The following KIAA1328 variants were observed in gnomAD, a reference collection of about 807,000 sequenced individuals.
KIAA1328 encodes the protein protein hinderin.
A neutral mutation model predicts 68.1 loss-of-function variants in KIAA1328; 52 were observed. That is an observed-to-expected ratio of 0.76 (90% CI 0.61 to 0.96). The LOEUF (loss-of-function observed/expected upper bound fraction) is 0.96. Among genes scored for constraint, KIAA1328 ranks in the 40% least tolerant of loss-of-function variants. KIAA1328 has a pLI of 0.00. For synonymous variants in KIAA1328, 232 were observed against 239.4 expected (o/e 0.97, Z 0.28); for missense variants, 641 against 677.6 (o/e 0.95, Z 0.60).
intron 6 of KIAA1328, among the ~76,000 whole-genome samples, chr18:36,994,821 C>T (rs1317030139): frequency 1.3e-5 from 2 of 152,162 alleles, no homozygotes; most frequent in Non-Finnish European, 2.9e-5. Context: ...AGCCTTGCCT[C>T]TACTCTCATT....
Position 37,159,269 on chromosome 18 carries a change from A to G in KIAA1328, c.1233-931A>G, listed in dbSNP as rs576534749. On this transcript the variant is annotated intron_variant, in intron 7 of 9. Coordinates refer to ENST00000280020, the MANE Select transcript of KIAA1328 (RefSeq NM_020776.3). ...AGATTATGTGATTTGAATCCTGGTC[A>G]AAGGCCACCTGGAGTAAGTGATAGA... 1.2e-4 allele frequency among the ~76,000 whole-genome samples: 18 copies of G among 152,340 alleles called. 1 individual carries two copies. The South Asian group carries it at 3.7e-3, about 32-fold the overall frequency.
At chr18:37,088,341 G>T (rs1162340435) in intron 7 of KIAA1328, among the ~76,000 whole-genome samples, 1 of 152,148 alleles carries the variant, frequency 6.6e-6, no homozygotes, top group Non-Finnish European at 1.5e-5. Context: ...AATCAGTCAT[G>T]TAAATTAGCT....
intron 6 of KIAA1328, among the ~76,000 whole-genome samples, chr18:37,023,939 TTCAA>T (rs2151542203): frequency 6.6e-6 from 1 of 152,308 alleles, no homozygotes; most frequent in East Asian, 1.9e-4. Context: ...CAGATAGTTT[TTCAA>T]TCTTCACTCT....
intron 7 of KIAA1328, among the ~76,000 whole-genome samples, chr18:37,118,985 G>A (rs1440138501): frequency 6.6e-6 from 1 of 152,170 alleles, no homozygotes; most frequent in Non-Finnish European, 1.5e-5. Context: ...CAAGACAGCT[G>A]CTTTGTCATG....
At chr18:36,932,614 T>C (rs1221451712) in intron 5 of KIAA1328, among the ~76,000 whole-genome samples, 1 of 152,210 alleles carries the variant, frequency 6.6e-6, no homozygotes, top group Non-Finnish European at 1.5e-5. Flanking sequence ...GGAAGGTAGC[T>C]CCATAGCATA....
At chr18:36,862,483 T>A (rs11872790) in intron 4 of KIAA1328, among the ~76,000 whole-genome samples, 141 of 152,314 alleles carry the variant, frequency 9.3e-4, no homozygotes, top group African/African-American at 3.3e-3. Flanking sequence ...TCTTTTTTTT[T>A]AAACTCAGCA....
At chr18:37,100,689 C>G (rs1332961548) in intron 7 of KIAA1328, among the ~76,000 whole-genome samples, 1 of 152,210 alleles carries the variant, frequency 6.6e-6, no homozygotes, top group Non-Finnish European at 1.5e-5. Flanking sequence ...TCCCAGCACG[C>G]AGCTTGAGAT....
At chr18:37,165,247 T>C (rs1397133529) in intron 8 of KIAA1328, among the ~76,000 whole-genome samples, 1 of 152,140 alleles carries the variant, frequency 6.6e-6, no homozygotes, top group Non-Finnish European at 1.5e-5. Context: ...ACAACCACTT[T>C]CTTTCTAATT....
rs1158262639 is a variant in KIAA1328 at position 37,117,883 on chromosome 18, A to AT, written c.1233-42317_1233-42316insT. On this transcript the variant is annotated intron_variant, in intron 7 of 9. Coordinates refer to ENST00000280020, the MANE Select transcript of KIAA1328 (RefSeq NM_020776.3). ...AAACGGACGTAGTTGGTTTAAAAAA[A>AT]AAAAATATATATATATATACTAACA... 2.7e-3 allele frequency among the ~76,000 whole-genome samples: 376 copies of AT among 139,258 alleles called. 1 individual carries two copies. Among genetic ancestry groups the AT allele is most frequent in the African/African-American group, 6.5e-3 (241 of 36,882 alleles). The allele number at this position is 139,258 out of a possible 152,430, so 91.4% of individuals were successfully genotyped here. A position where few individuals can be genotyped will look rare whatever the true frequency, so the allele number is the denominator to read the frequency against.
intron 4 of KIAA1328, among the ~76,000 whole-genome samples, chr18:36,854,445 C>T (rs797007975): frequency 1.3e-5 from 2 of 152,126 alleles, no homozygotes; most frequent in African/African-American, 4.8e-5. Flanking sequence ...AAATACAATA[C>T]TACTGACTCT....
chr18:37,028,022 C>T (rs1462835783), intron 6 of KIAA1328, among the ~76,000 whole-genome samples: 3 of 152,070 alleles, frequency 2.0e-5, no homozygotes, highest in Non-Finnish European at 4.4e-5. Flanking sequence ...AAGAAAAAAA[C>T]AACCCCATCA....
At chr18:37,061,516 A>C (rs1298611041) in intron 6 of KIAA1328, among the ~76,000 whole-genome samples, 4 of 152,190 alleles carry the variant, frequency 2.6e-5, no homozygotes, top group Admixed American at 2.6e-4. Context: ...GTGGTTTCTA[A>C]GTTACTGTTA....
intron 9 of KIAA1328, among the ~76,000 whole-genome samples, chr18:37,190,246 C>T (rs2059880365): frequency 6.6e-6 from 1 of 152,126 alleles, no homozygotes; most frequent in African/African-American, 2.4e-5. Context: ...ACATGTTTCT[C>T]TCATAACTTA....
intron 6 of KIAA1328, among the ~76,000 whole-genome samples, chr18:37,000,191 G>T (rs893179715): frequency 6.6e-6 from 1 of 152,100 alleles, no homozygotes; most frequent in South Asian, 2.1e-4. Flanking sequence ...GAAACCAAAA[G>T]TGAGCAGGAG....
intron 6 of KIAA1328, among the ~76,000 whole-genome samples, chr18:37,044,976 T>C (rs2055408225): frequency 1.3e-5 from 2 of 152,168 alleles, no homozygotes; most frequent in South Asian, 4.1e-4. Flanking sequence ...ATAAGAGTTG[T>C]ATCTTGTAAG....
At chr18:36,844,110 A>T in intron 3 of KIAA1328, 98 bp from the exon 4 acceptor site, 1 of 718,186 alleles carries the variant, frequency 1.4e-6, no homozygotes, top group South Asian at 2.0e-5. Flanking sequence ...TGCACCAGAG[A>T]AAAGATATCT....
At chr18:36,917,254 T>G (rs772143692) in intron 5 of KIAA1328, among the ~76,000 whole-genome samples, 10 of 152,254 alleles carry the variant, frequency 6.6e-5, no homozygotes, top group Middle Eastern at 3.4e-3. Context: ...GAAGAGGTTT[T>G]TTTTGTTTTG....
chr18:37,221,982 C>A (rs1284865603), intron 9 of KIAA1328, 35 bp from the exon 10 acceptor site: 8 of 1,592,874 alleles, frequency 5.0e-6, no homozygotes, highest in South Asian at 1.1e-5. Context: ...TTCTAATAAT[C>A]TGATCCTTTC....
At chr18:37,048,180 A>G (rs968318978) in intron 6 of KIAA1328, among the ~76,000 whole-genome samples, 1 of 152,230 alleles carries the variant, frequency 6.6e-6, no homozygotes, top group African/African-American at 2.4e-5. Flanking sequence ...ATTTTTAAGT[A>G]TTTTTGAATA....
Sources: gnomAD v4.1 joint callset for allele counts (sites outside exome capture counted in the v4.1 genomes callset) on GRCh38, gnomAD v4.1.1 for gene constraint, MANE v1.5 for transcripts, NCBI Gene and HGNC (gene_info 2026-07-23, HGNC 2026-07-21) for gene names.